THSD4: variants seen among roughly 807,000 people sequenced by gnomAD.
THSD4 encodes thrombospondin type 1 domain containing 4, also known as thrombospondin type-1 domain-containing protein 4.
THSD4 carries 69 observed loss-of-function variants against 119.0 expected under a neutral mutation model. The observed-to-expected ratio is 0.58, with a 90% CI of 0.48 to 0.71. The LOEUF is 0.71. Among genes scored for constraint, THSD4 ranks in the 30% least tolerant of loss-of-function variants. The pLI is 0.00. For synonymous variants in THSD4, 524 were observed against 540.4 expected, an observed-to-expected ratio of 0.97 and a Z score of 0.42; for missense variants, 1,393 against 1,391.1, an observed-to-expected ratio of 1.00 and a Z score of -0.02.
At chr15:71,410,960 A>G (rs1244295536) in intron 6 of THSD4, among the ~76,000 whole-genome samples, 2 of 152,186 alleles carry the variant, frequency 1.3e-5, no homozygotes, top group African/African-American at 4.8e-5. Context: ...AGGCAGGAGA[A>G]TCACTTGAAC....
intron 8 of THSD4, among the ~76,000 whole-genome samples, chr15:71,701,874 A>G (rs2052296614): frequency 6.6e-6 from 1 of 152,218 alleles, no homozygotes; most frequent in African/African-American, 2.4e-5. Context: ...AGGAGGCTTA[A>G]ATTGTTTTTA....
At chr15:71,131,217 G>T (rs1185484615) in intron 1 of THSD4, among the ~76,000 whole-genome samples, 1 of 152,010 alleles carries the variant, frequency 6.6e-6, no homozygotes, top group Admixed American at 6.6e-5. Flanking sequence ...GTGTGTGTAG[G>T]TTTGCTTTGG....
At chr15:71,288,749 G>T (rs1271556982) in intron 6 of THSD4, among the ~76,000 whole-genome samples, 1 of 152,128 alleles carries the variant, frequency 6.6e-6, no homozygotes, top group Admixed American at 6.5e-5. Context: ...CAGCATCCAC[G>T]TACACTTAAA....
At chr15:71,528,803 G>T (rs1174952706) in intron 7 of THSD4, among the ~76,000 whole-genome samples, 1 of 152,216 alleles carries the variant, frequency 6.6e-6, no homozygotes, top group East Asian at 1.9e-4. Flanking sequence ...GGGAAATCTT[G>T]ATCTGTGGCA....
In THSD4 at chr15:71,687,993, T is replaced by C. The variant is rs538793827; in HGVS notation, c.1357+27259T>C. 5.9e-5 allele frequency among the ~76,000 whole-genome samples: 9 copies of C among 152,346 alleles called. No homozygotes were observed. The South Asian group carries it at 1.9e-3, about 32-fold the overall frequency. On this transcript the variant is annotated intron_variant, in intron 8 of 17. Coordinates refer to ENST00000261862, the MANE Select transcript of THSD4 (RefSeq NM_024817.3). ...TTTAGGCTGCAGTTGTGGCTTCAGT[T>C]ATAATCTCCTGTAAATGTTTGTTTT...
chr15:71,297,850 C>T (rs1249466766), intron 6 of THSD4, among the ~76,000 whole-genome samples: 1 of 152,172 alleles, frequency 6.6e-6, no homozygotes, highest in South Asian at 2.1e-4. Context: ...GTTCTGGATA[C>T]TGGAACCTTA....
intron 7 of THSD4, among the ~76,000 whole-genome samples, chr15:71,416,720 T>C (rs1363055142): frequency 1.9e-5 from 1 of 52,182 alleles, no homozygotes; most frequent in Non-Finnish European, 4.4e-5. Flanking sequence ...TATTTTGTTT[T>C]GTTTTGTTTT....
chr15:71,459,573 A>T (rs973018001), intron 7 of THSD4, among the ~76,000 whole-genome samples: 11 of 152,224 alleles, frequency 7.2e-5, no homozygotes, highest in African/African-American at 2.7e-4. Context: ...ATAAAGTAGA[A>T]TATTTGAAGC....
At chr15:71,469,540 T>A (rs2047544868) in intron 7 of THSD4, among the ~76,000 whole-genome samples, 1 of 152,118 alleles carries the variant, frequency 6.6e-6, no homozygotes, top group Admixed American at 6.5e-5. Context: ...CCAACCAACT[T>A]CTTCTGAGAG....
chr15:71,166,459 T>A (rs2043295467), intron 3 of THSD4, among the ~76,000 whole-genome samples: 1 of 152,224 alleles, frequency 6.6e-6, no homozygotes, highest in Admixed American at 6.5e-5. Context: ...CTGTCCACAC[T>A]GGTTTCTGGT....
chr15:71,357,887 T>G (rs1761051682), intron 6 of THSD4, among the ~76,000 whole-genome samples: 1 of 152,212 alleles, frequency 6.6e-6, no homozygotes, highest in Non-Finnish European at 1.5e-5. Context: ...CCTTACTTAT[T>G]CAAAGAGGGG....
rs543202361 is a variant in THSD4 at position 71,624,067 on chromosome 15, A to C, written c.1153-36463A>C. Among the ~76,000 whole-genome samples, 3 of 152,332 alleles carry C rather than the reference A, an allele frequency of 2.0e-5. No individual in the cohort carries two copies. In the South Asian group the frequency reaches 6.2e-4, roughly 32 times the overall value. On this transcript the variant is annotated intron_variant, in intron 7 of 17. Coordinates refer to ENST00000261862, the MANE Select transcript of THSD4 (RefSeq NM_024817.3). ...TGCAGGAGGTCTACTAGGGAGAGTG[A>C]TCGAGAACAACACGTGAAGGGTAAG...
intron 6 of THSD4, among the ~76,000 whole-genome samples, chr15:71,372,745 G>T (rs1299344604): frequency 2.0e-5 from 3 of 152,270 alleles, no homozygotes; most frequent in Non-Finnish European, 4.4e-5. Context: ...TGAGGGGGCA[G>T]TCTGCCCGTT....
At chr15:71,214,279 G>A (rs2043911704) in intron 3 of THSD4, among the ~76,000 whole-genome samples, 2 of 152,206 alleles carry the variant, frequency 1.3e-5, no homozygotes, top group South Asian at 4.1e-4. Context: ...GTCCCTCCCA[G>A]CCAGCAGCCG....
chr15:71,191,763 G>A (rs1432327729), intron 3 of THSD4, among the ~76,000 whole-genome samples: 3 of 151,834 alleles, frequency 2.0e-5, no homozygotes, highest in Admixed American at 6.6e-5. Context: ...CATATGAGTC[G>A]GCCCCACATG....
chr15:71,254,310 C>G (rs1489311372), intron 5 of THSD4, among the ~76,000 whole-genome samples: 1 of 152,186 alleles, frequency 6.6e-6, no homozygotes, highest in African/African-American at 2.4e-5. Flanking sequence ...GCAAGGCTTG[C>G]CACATCTCCA....
chr15:71,371,944 A>T (rs1357701564), intron 6 of THSD4, among the ~76,000 whole-genome samples: 1 of 152,142 alleles, frequency 6.6e-6, no homozygotes, highest in Admixed American at 6.5e-5. Flanking sequence ...GTCTTTTCAC[A>T]TAGTCCCATA....
At chr15:71,471,352 C>T (rs888080703) in intron 7 of THSD4, among the ~76,000 whole-genome samples, 1 of 152,054 alleles carries the variant, frequency 6.6e-6, no homozygotes, top group Non-Finnish European at 1.5e-5. Context: ...AATGTCTGTG[C>T]CTTTACAGGA....
At chr15:71,722,879 G>A (rs2047690) in intron 8 of THSD4, among the ~76,000 whole-genome samples, 136,113 of 152,166 alleles carry the variant, frequency 0.89, 62,596 homozygotes, top group Non-Finnish European at 1. Flanking sequence ...ATTTAAAAGT[G>A]TGCACAAACG....
Sources: allele counts gnomAD v4.1 joint callset (sites outside exome capture counted in the v4.1 genomes callset), GRCh38; gene constraint gnomAD v4.1.1; transcripts MANE v1.5; gene names NCBI Gene and HGNC (gene_info 2026-07-23, HGNC 2026-07-21).